Variants in CCDC192 observed in about 807,000 individuals in gnomAD.
CCDC192 encodes coiled-coil domain containing 192.
chr5:127,906,882 T>G (rs997835704), intron 6 of CCDC192, among the ~76,000 whole-genome samples: 6 of 152,232 alleles, frequency 3.9e-5, no homozygotes, highest in Non-Finnish European at 8.8e-5. Context: ...GTCACATGGT[T>G]GTTCTGTTTA....
chr5:127,734,518 G>T (rs1438792425), intron 2 of CCDC192, among the ~76,000 whole-genome samples: 1 of 146,930 alleles, frequency 6.8e-6, no homozygotes, highest in Non-Finnish European at 1.5e-5. Context: ...TTCCACAATG[G>T]TTGAACTAGT....
At chr5:127,827,353 CT>C (rs1405657949) in intron 5 of CCDC192, among the ~76,000 whole-genome samples, 5 of 152,304 alleles carry the variant, frequency 3.3e-5, no homozygotes, top group Admixed American at 3.3e-4. Flanking sequence ...GTTTCTAGTG[CT>C]TTTTTCCAGC....
At chr5:127,811,787 G>A (rs1296129582) in intron 5 of CCDC192, among the ~76,000 whole-genome samples, 1 of 152,092 alleles carries the variant, frequency 6.6e-6, no homozygotes, top group African/African-American at 2.4e-5. Context: ...ATACGTGATA[G>A]AGTCATTGGC....
intron 5 of CCDC192, among the ~76,000 whole-genome samples, chr5:127,819,090 A>T (rs891735787): frequency 6.6e-6 from 1 of 152,156 alleles, no homozygotes; most frequent in African/African-American, 2.4e-5. Context: ...AAACTGTTTC[A>T]TACATGTCTA....
At chr5:127,940,995 C>A in intron 6 of CCDC192, 187 bp from the exon 7 acceptor site, 2 of 389,830 alleles carry the variant, frequency 5.1e-6, no homozygotes. Flanking sequence ...TTTCTTTTTT[C>A]ATGAGCACCC....
intron 5 of CCDC192, among the ~76,000 whole-genome samples, chr5:127,800,376 G>GAAAAAAAAAAAAAAAA (rs1168212422): frequency 3.1e-4 from 6 of 19,512 alleles, no homozygotes; most frequent in East Asian, 2.9e-3. Flanking sequence ...GAGGTATTCT[G>GAAAAAAAAAAAAAAAA]AAAAAAAAAA....
chr5:127,886,698 G>A (rs1166341615), intron 6 of CCDC192, among the ~76,000 whole-genome samples: 1 of 152,118 alleles, frequency 6.6e-6, no homozygotes, highest in Non-Finnish European at 1.5e-5. Context: ...AAAGCTTCTA[G>A]TCAACAGCAG....
intron 6 of CCDC192, among the ~76,000 whole-genome samples, chr5:127,885,792 A>G (rs553441111): frequency 6.6e-6 from 1 of 152,208 alleles, no homozygotes; most frequent in Non-Finnish European, 1.5e-5. Context: ...TCTAATATGT[A>G]TATTAGATAT....
chr5:127,739,379 TTTTG>T (rs1450531786), intron 2 of CCDC192, among the ~76,000 whole-genome samples: 2 of 152,086 alleles, frequency 1.3e-5, no homozygotes, highest in African/African-American at 2.4e-5. Flanking sequence ...ACTGCTGTCT[TTTTG>T]TTTGTCTGTG....
intron 6 of CCDC192, among the ~76,000 whole-genome samples, chr5:127,918,222 A>ATT (rs1753586498): frequency 2.6e-5 from 4 of 151,584 alleles, no homozygotes; most frequent in African/African-American, 9.7e-5. Flanking sequence ...TTTGTAAAAA[A>ATT]AAAAAAAAAA....
At chr5:127,888,423 CA>C (rs1250155646) in intron 6 of CCDC192, among the ~76,000 whole-genome samples, 33 of 142,618 alleles carry the variant, frequency 2.3e-4, no homozygotes, top group African/African-American at 7.2e-4. Flanking sequence ...CTCAAACAAA[CA>C]AAAAAAAAAG....
At chr5:127,889,210 A>G in intron 6 of CCDC192, among the ~76,000 whole-genome samples, 1 of 152,176 alleles carries the variant, frequency 6.6e-6, no homozygotes, top group East Asian at 1.9e-4. Context: ...TATTATATAA[A>G]AAAGCTTTCA....
intron 2 of CCDC192, among the ~76,000 whole-genome samples, chr5:127,718,451 C>T (rs1310616525): frequency 6.6e-6 from 1 of 151,864 alleles, no homozygotes; most frequent in Non-Finnish European, 1.5e-5. Flanking sequence ...GCAAAAAGTT[C>T]CTAACAACTG....
chr5:127,817,639 A>T (rs1243328994), intron 5 of CCDC192, among the ~76,000 whole-genome samples: 6 of 152,186 alleles, frequency 3.9e-5, no homozygotes, highest in Admixed American at 3.9e-4. Context: ...TGAGGGAGTG[A>T]CTGCTAATGG....
At chr5:127,749,108 T>C (rs917317479) in intron 2 of CCDC192, among the ~76,000 whole-genome samples, 2 of 152,178 alleles carry the variant, frequency 1.3e-5, no homozygotes, top group Admixed American at 6.5e-5. Flanking sequence ...CTTTATTTCC[T>C]TCTCCTGCCT....
intron 6 of CCDC192, among the ~76,000 whole-genome samples, chr5:127,883,540 C>T (rs1406553255): frequency 1.3e-5 from 2 of 152,212 alleles, no homozygotes; most frequent in Non-Finnish European, 2.9e-5. Context: ...CCTTTGTCCA[C>T]TGAAAGTATT....
At chr5:127,848,950 C>G (rs1003205664) in intron 5 of CCDC192, among the ~76,000 whole-genome samples, 1 of 152,148 alleles carries the variant, frequency 6.6e-6, no homozygotes, top group African/African-American at 2.4e-5. Context: ...GTCTATATAG[C>G]CAGGTGTGGT....
At chr5:127,724,610 G>A (rs754361044) in intron 2 of CCDC192, among the ~76,000 whole-genome samples, 10 of 152,168 alleles carry the variant, frequency 6.6e-5, no homozygotes, top group South Asian at 2.1e-4. Flanking sequence ...CAGCACTTTC[G>A]GAGGCTGAGG....
At chr5:127,907,508 CAG>C (rs139702274) in intron 6 of CCDC192, among the ~76,000 whole-genome samples, 5,624 of 152,138 alleles carry the variant, frequency 0.037, 360 homozygotes, top group East Asian at 0.27. Context: ...CCTTTCTCAA[CAG>C]AGAGACTAAT....
Sources: allele counts gnomAD v4.1 joint callset (sites outside exome capture counted in the v4.1 genomes callset), GRCh38; gene constraint gnomAD v4.1.1; transcripts MANE v1.5; gene names NCBI Gene and HGNC (gene_info 2026-07-23, HGNC 2026-07-21).